Variants in USH2A observed in about 807,000 individuals in gnomAD.
USH2A encodes the protein usherin, also known as Usher syndrome 2A (autosomal recessive, mild).
USH2A carries 443 observed loss-of-function variants against 538.9 expected under a neutral mutation model. The ratio of observed to expected loss-of-function variants is 0.82; its 90% CI spans 0.76 to 0.89. The LOEUF (loss-of-function observed/expected upper bound fraction) is 0.89. USH2A is among the 40% of genes least tolerant of loss of function. The pLI is 0.00. For missense variants in USH2A, 6,633 were observed against 6,324.8 expected, an observed-to-expected ratio of 1.05 and a Z score of -1.65; for synonymous variants, 2,413 against 2,273.5, an observed-to-expected ratio of 1.06 and a Z score of -1.75.
chr1:215,969,438 A>T (rs1298611856), intron 36 of USH2A, among the ~76,000 whole-genome samples: 1 of 152,212 alleles, frequency 6.6e-6, no homozygotes, highest in Non-Finnish European at 1.5e-5. Flanking sequence ...TTGCCAGAAC[A>T]TCAGGAGACA....
At chr1:216,121,144 T>C (rs1007996177) in intron 21 of USH2A, among the ~76,000 whole-genome samples, 1 of 152,198 alleles carries the variant, frequency 6.6e-6, no homozygotes, top group African/African-American at 2.4e-5. Context: ...CAATAATATA[T>C]ATTAGTTTCA....
intron 3 of USH2A, among the ~76,000 whole-genome samples, chr1:216,379,252 C>T (rs577960885): frequency 1.3e-5 from 2 of 152,310 alleles, no homozygotes; most frequent in East Asian, 3.9e-4. Context: ...CAACTCAGTA[C>T]TCTCCTCTGC....
At chr1:216,202,577 C>T (rs1248555489) in intron 16 of USH2A, among the ~76,000 whole-genome samples, 1 of 152,152 alleles carries the variant, frequency 6.6e-6, no homozygotes, top group Non-Finnish European at 1.5e-5. Flanking sequence ...GCTGTTACTA[C>T]AGACTTCTGC....
chr1:216,177,529 G>T (rs1273080838), intron 20 of USH2A, among the ~76,000 whole-genome samples: 1 of 152,084 alleles, frequency 6.6e-6, no homozygotes, highest in Non-Finnish European at 1.5e-5. Flanking sequence ...AACTAACTTT[G>T]GTCAGCCTCT....
intron 61 of USH2A, among the ~76,000 whole-genome samples, chr1:215,681,380 A>T (rs1658226986): frequency 6.6e-6 from 1 of 151,886 alleles, no homozygotes; most frequent in African/African-American, 2.4e-5. Context: ...GTTGCGTACC[A>T]TCCCCATTGG....
chr1:216,139,272 G>C (rs2033550327), intron 21 of USH2A, among the ~76,000 whole-genome samples: 1 of 151,850 alleles, frequency 6.6e-6, no homozygotes. Flanking sequence ...ATTGCTCCCA[G>C]GGGTTTATAT....
chr1:215,876,520 G>T (rs74610187), intron 43 of USH2A, among the ~76,000 whole-genome samples: 1 of 152,296 alleles, frequency 6.6e-6, no homozygotes, highest in Non-Finnish European at 1.5e-5. Context: ...CTATGTGCTG[G>T]TATGTGCCAG....
At chr1:215,788,366 G>A (rs1185590413) in intron 51 of USH2A, among the ~76,000 whole-genome samples, 1 of 152,114 alleles carries the variant, frequency 6.6e-6, no homozygotes, top group Non-Finnish European at 1.5e-5. Context: ...ATCCAGGTAG[G>A]AACTGTCTGT....
intron 40 of USH2A, among the ~76,000 whole-genome samples, chr1:215,899,742 CAG>C (rs1185844954): frequency 6.6e-6 from 1 of 152,110 alleles, no homozygotes; most frequent in African/African-American, 2.4e-5. Context: ...TTCTCCGAAA[CAG>C]AGAACATTCA....
At chr1:216,302,175 A>T (rs2037229003) in intron 9 of USH2A, among the ~76,000 whole-genome samples, 1 of 152,252 alleles carries the variant, frequency 6.6e-6, no homozygotes, top group Non-Finnish European at 1.5e-5. Flanking sequence ...CCAACTACAT[A>T]GAGAATCTAG....
intron 3 of USH2A, among the ~76,000 whole-genome samples, chr1:216,370,753 A>G (rs993121330): frequency 3.3e-4 from 50 of 151,546 alleles, no homozygotes; most frequent in Non-Finnish European, 5.3e-4. Flanking sequence ...ACAGTTTTAA[A>G]TGGCAAATTT....
chr1:216,248,460 A>G (rs1418748950), intron 12 of USH2A, among the ~76,000 whole-genome samples: 3 of 152,014 alleles, frequency 2.0e-5, no homozygotes, highest in East Asian at 3.9e-4. Flanking sequence ...TTAAAAATTA[A>G]TCTTAAAATA....
chr1:216,113,497 G>T (rs573905522), intron 21 of USH2A, among the ~76,000 whole-genome samples: 1 of 152,104 alleles, frequency 6.6e-6, no homozygotes, highest in Non-Finnish European at 1.5e-5. Context: ...ACTAGTATTC[G>T]ATAGATTTAA....
At position 215,780,241 on chromosome 1, in the gene USH2A, A is replaced by G. The variant is rs148394951; in HGVS notation, c.10741-200T>C. 4.3e-4 allele frequency among the ~76,000 whole-genome samples: 65 copies of G among 152,162 alleles called. No homozygotes were observed. In the East Asian group the frequency reaches 7.8e-3, roughly 18 times the overall value. On this transcript the variant is annotated intron_variant, in intron 54 of 71. Coordinates refer to ENST00000307340, the MANE Select transcript of USH2A (RefSeq NM_206933.4). ...TGAAATCTGACCTTGAATATATTAC[A>G]TAAGTCTCACACTACCATTTATCAC...
At chr1:215,681,311 A>C (rs1452533665) in intron 61 of USH2A, among the ~76,000 whole-genome samples, 2 of 137,932 alleles carry the variant, frequency 1.4e-5, no homozygotes, top group African/African-American at 5.2e-5. Flanking sequence ...TAATGTGTTC[A>C]TAGGTAAACA....
intron 21 of USH2A, among the ~76,000 whole-genome samples, chr1:216,109,624 G>A (rs1281082556): frequency 6.6e-6 from 1 of 152,110 alleles, no homozygotes; most frequent in East Asian, 1.9e-4. Context: ...GTAATTTTGT[G>A]AGAACAGGAA....
chr1:216,152,852 C>T (rs1038642453), intron 21 of USH2A, among the ~76,000 whole-genome samples: 2 of 152,220 alleles, frequency 1.3e-5, no homozygotes, highest in Admixed American at 6.5e-5. Context: ...CAAGTGTTGC[C>T]TTTTGGCCCA....
chr1:216,125,036 G>T (rs533515506), intron 21 of USH2A, among the ~76,000 whole-genome samples: 1 of 152,208 alleles, frequency 6.6e-6, no homozygotes, highest in African/African-American at 2.4e-5. Context: ...AGAGTATGAT[G>T]AATGTGCTTT....
At chr1:216,138,700 T>C (rs1337296301) in intron 21 of USH2A, among the ~76,000 whole-genome samples, 2 of 152,140 alleles carry the variant, frequency 1.3e-5, no homozygotes, top group Non-Finnish European at 2.9e-5. Flanking sequence ...TCATCTATTT[T>C]CCCCCTGCTT....
Sources: gnomAD v4.1 joint callset for allele counts (sites outside exome capture counted in the v4.1 genomes callset) on GRCh38, gnomAD v4.1.1 for gene constraint, MANE v1.5 for transcripts, NCBI Gene and HGNC (gene_info 2026-07-23, HGNC 2026-07-21) for gene names.